Variants in DGKB observed in about 807,000 individuals in gnomAD.
The protein encoded by DGKB is 90 kDa diacylglycerol kinase.
DGKB carries 67 observed loss-of-function variants against 114.3 expected under a neutral mutation model. That is an observed-to-expected ratio of 0.59 (90% confidence interval 0.48 to 0.72). The LOEUF (loss-of-function observed/expected upper bound fraction) is 0.72, where lower values mean the gene tolerates loss of function less well. Among genes scored for constraint, DGKB ranks in the 30% least tolerant of loss-of-function variants. The pLI, the probability that DGKB is intolerant of heterozygous loss-of-function variation, is 0.00. For synonymous variants in DGKB, 398 were observed against 323.1 expected, an observed-to-expected ratio of 1.23 and a Z score of -2.49; for missense variants, 907 against 975.2, an observed-to-expected ratio of 0.93 and a Z score of 0.93.
chr7:14,704,484 G>A (rs1232010468), intron 6 of DGKB, among the ~76,000 whole-genome samples: 5 of 151,524 alleles, frequency 3.3e-5, no homozygotes, highest in African/African-American at 1.2e-4. Flanking sequence ...AAAAAAGGGG[G>A]AGGAGCCAAG....
intron 6 of DGKB, among the ~76,000 whole-genome samples, chr7:14,714,744 CT>C (rs1827919555): frequency 6.6e-6 from 1 of 152,092 alleles, no homozygotes; most frequent in African/African-American, 2.4e-5. Flanking sequence ...TTTTATTTCA[CT>C]AAGTCTCTGC....
chr7:14,757,015 G>C (rs943773966), intron 3 of DGKB, among the ~76,000 whole-genome samples: 2 of 152,016 alleles, frequency 1.3e-5, no homozygotes, highest in Admixed American at 6.6e-5. Context: ...CAATTGACAA[G>C]ACATGCAAAG....
At chr7:14,601,396 T>C (rs748161033) in intron 17 of DGKB, among the ~76,000 whole-genome samples, 1 of 144,250 alleles carries the variant, frequency 6.9e-6, no homozygotes, top group Non-Finnish European at 1.5e-5. Context: ...GGGCCACTCT[T>C]CCATTGTCTT....
At chr7:14,550,950 T>C (rs1795017733) in intron 20 of DGKB, among the ~76,000 whole-genome samples, 1 of 152,232 alleles carries the variant, frequency 6.6e-6, no homozygotes, top group Non-Finnish European at 1.5e-5. Context: ...TCTTCCTTTT[T>C]AATCAGTCTG....
At chr7:14,715,205 A>C (rs901458690) in intron 6 of DGKB, among the ~76,000 whole-genome samples, 1 of 152,156 alleles carries the variant, frequency 6.6e-6, no homozygotes, top group African/African-American at 2.4e-5. Context: ...TTAAATTAAA[A>C]GTAGGAAAGT....
chr7:14,835,792 A>T (rs1390988472), intron 2 of DGKB, among the ~76,000 whole-genome samples: 1 of 152,190 alleles, frequency 6.6e-6, no homozygotes, highest in Non-Finnish European at 1.5e-5. Context: ...GTTTATTAAC[A>T]TATCAATCTT....
intron 3 of DGKB, among the ~76,000 whole-genome samples, chr7:14,757,133 G>A (rs989604002): frequency 1.3e-5 from 2 of 151,954 alleles, no homozygotes; most frequent in Admixed American, 1.3e-4. Context: ...TAAGGTGACG[G>A]ACCAGGTATA....
intron 23 of DGKB, among the ~76,000 whole-genome samples, chr7:14,222,936 T>C (rs899645669): frequency 7.9e-5 from 12 of 151,706 alleles, no homozygotes; most frequent in Non-Finnish European, 1.8e-4. Context: ...TTTTAAACTC[T>C]ATCAGTATAA....
chr7:14,542,617 C>T (rs1164984585), intron 20 of DGKB, among the ~76,000 whole-genome samples: 1 of 152,134 alleles, frequency 6.6e-6, no homozygotes, highest in Non-Finnish European at 1.5e-5. Flanking sequence ...CCAGCAGAGG[C>T]AAAAGATTCA....
chr7:14,210,900 C>T (rs1239656924), intron 23 of DGKB, among the ~76,000 whole-genome samples: 1 of 151,932 alleles, frequency 6.6e-6, no homozygotes, highest in Non-Finnish European at 1.5e-5. Flanking sequence ...CTTTATACAC[C>T]CACATTTCCC....
chr7:14,912,400 G>A (rs1453118902), intron 1 of DGKB, among the ~76,000 whole-genome samples: 1 of 152,096 alleles, frequency 6.6e-6, no homozygotes, highest in African/African-American at 2.4e-5. Flanking sequence ...TTAACAGTTA[G>A]ATCAAGCAAC....
At chr7:14,227,806 G>A (rs1471664215) in intron 23 of DGKB, among the ~76,000 whole-genome samples, 1 of 152,030 alleles carries the variant, frequency 6.6e-6, no homozygotes, top group Non-Finnish European at 1.5e-5. Context: ...GGGCACTTAA[G>A]ATGTGGAATT....
chr7:14,241,136 C>T (rs917423696), intron 23 of DGKB, among the ~76,000 whole-genome samples: 5 of 152,120 alleles, frequency 3.3e-5, no homozygotes, highest in African/African-American at 1.2e-4. Flanking sequence ...GCGCTTTCAT[C>T]TAACCTAGCC....
rs1363986580 is a variant in DGKB, at chr7:14,392,284, C to T, written c.1836-46893G>A. ...GTTTAATTTGCCAGTCAAAACCTTT[C>T]AAGATTATAAGGTTATAGCCTTTAT... On this transcript the variant is annotated intron_variant, in intron 21 of 25. Coordinates refer to ENST00000402815, the MANE Select transcript of DGKB (RefSeq NM_001350709.2). 2.6e-5 allele frequency among the ~76,000 whole-genome samples: 4 copies of T among 152,084 alleles called. No individual in the cohort carries two copies. In the East Asian group the frequency reaches 7.7e-4, roughly 29 times the overall value.
At chr7:14,630,562 T>C (rs1385069301) in intron 13 of DGKB, among the ~76,000 whole-genome samples, 1 of 152,064 alleles carries the variant, frequency 6.6e-6, no homozygotes, top group Non-Finnish European at 1.5e-5. Flanking sequence ...CCAAGTTCCA[T>C]TCTCTTTAAT....
intron 23 of DGKB, among the ~76,000 whole-genome samples, chr7:14,180,048 A>C (rs993788234): frequency 6.6e-6 from 1 of 152,160 alleles, no homozygotes; most frequent in African/African-American, 2.4e-5. Context: ...ATATATGTCA[A>C]CCAGAAAACG....
At chr7:14,734,652 C>T (rs148704222) in intron 5 of DGKB, among the ~76,000 whole-genome samples, 23 of 152,232 alleles carry the variant, frequency 1.5e-4, no homozygotes, top group Non-Finnish European at 2.9e-4. Flanking sequence ...ACCCTTCTTA[C>T]TATTTTTTGT....
At chr7:14,411,267 G>T (rs944431600) in intron 21 of DGKB, among the ~76,000 whole-genome samples, 1 of 152,130 alleles carries the variant, frequency 6.6e-6, no homozygotes, top group Non-Finnish European at 1.5e-5. Flanking sequence ...TGGTCAGTTC[G>T]ATGTATTAAG....
chr7:14,648,694 T>C (rs1813723622), intron 13 of DGKB, among the ~76,000 whole-genome samples: 2 of 151,196 alleles, frequency 1.3e-5, no homozygotes, highest in Non-Finnish European at 2.9e-5. Flanking sequence ...ATCAAATTAC[T>C]CTGAGCTACG....
Sources: allele counts gnomAD v4.1 joint callset (sites outside exome capture counted in the v4.1 genomes callset), GRCh38; gene constraint gnomAD v4.1.1; transcripts MANE v1.5; gene names NCBI Gene and HGNC (gene_info 2026-07-23, HGNC 2026-07-21).